Variants in SPMIP2 observed in about 807,000 individuals in gnomAD.
The protein encoded by SPMIP2 is protein SPMIP2.
chr4:158,997,476 C>T, the SPMIP2 span, among the ~76,000 whole-genome samples: 8 of 152,104 alleles, frequency 5.3e-5, no homozygotes, highest in South Asian at 6.2e-4. Flanking sequence ...GTGATCTGCC[C>T]ACCTCAAAAG....
At chr4:158,977,367 T>C in the SPMIP2 span, among the ~76,000 whole-genome samples, 1 of 152,230 alleles carries the variant, frequency 6.6e-6, no homozygotes, top group Admixed American at 6.5e-5. Context: ...CTGGATTTTC[T>C]ACTTTATTTG....
the SPMIP2 span, among the ~76,000 whole-genome samples, chr4:158,975,491 G>C: frequency 6.6e-6 from 1 of 152,104 alleles, no homozygotes; most frequent in Non-Finnish European, 1.5e-5. Flanking sequence ...TGTAAGGAAG[G>C]GGTCCAGTTT....
the SPMIP2 span, among the ~76,000 whole-genome samples, chr4:159,052,560 G>A: frequency 3.7e-4 from 57 of 152,232 alleles, no homozygotes; most frequent in Middle Eastern, 3.4e-3. Flanking sequence ...CTTCTCTTCC[G>A]TAGATGGGGT....
At chr4:159,007,446 G>C in the SPMIP2 span, 4 of 678,996 alleles carry the variant, frequency 5.9e-6, no homozygotes, top group Non-Finnish European at 1.1e-5. Flanking sequence ...GTTAAGCCAG[G>C]AGTCTGTAGT....
At chr4:158,974,350 G>A in the SPMIP2 span, among the ~76,000 whole-genome samples, 3 of 152,098 alleles carry the variant, frequency 2.0e-5, no homozygotes, top group Non-Finnish European at 2.9e-5. Flanking sequence ...GGATACATGT[G>A]CAGAACGTGC....
chr4:159,082,163 CA>C, the SPMIP2 span, among the ~76,000 whole-genome samples: 48,580 of 102,652 alleles, frequency 0.47, 9,266 homozygotes, highest in African/African-American at 0.6. Context: ...GCTAAGAATG[CA>C]AAAAAAAAAA....
At chr4:159,046,231 G>GAA in the SPMIP2 span, among the ~76,000 whole-genome samples, 24,924 of 131,196 alleles carry the variant, frequency 0.19, 2,450 homozygotes, top group African/African-American at 0.29. Flanking sequence ...CCTGTCTCAA[G>GAA]AAAAAAAAAA....
At chr4:159,028,490 C>G in the SPMIP2 span, among the ~76,000 whole-genome samples, 4 of 152,038 alleles carry the variant, frequency 2.6e-5, no homozygotes, top group Non-Finnish European at 5.9e-5. Flanking sequence ...CCACCACACT[C>G]GGCTGATTTT....
the SPMIP2 span, among the ~76,000 whole-genome samples, chr4:159,080,704 T>C: frequency 2.0e-5 from 3 of 151,046 alleles, no homozygotes; most frequent in African/African-American, 7.3e-5. Flanking sequence ...AATTGGGCTA[T>C]CATGGTAAAT....
chr4:158,987,241 A>C, the SPMIP2 span, among the ~76,000 whole-genome samples: 2 of 151,716 alleles, frequency 1.3e-5, no homozygotes, highest in Non-Finnish European at 2.9e-5. Flanking sequence ...TCAGGGATCT[A>C]GAACTAGAAA....
chr4:158,950,354 C>T, the SPMIP2 span, among the ~76,000 whole-genome samples: 2 of 152,312 alleles, frequency 1.3e-5, no homozygotes, highest in African/African-American at 2.4e-5. Flanking sequence ...TAAATTTCCT[C>T]TAAGGAAGTC....
At chr4:159,008,987 A>G in the SPMIP2 span, among the ~76,000 whole-genome samples, 1 of 152,232 alleles carries the variant, frequency 6.6e-6, no homozygotes, top group Admixed American at 6.5e-5. Flanking sequence ...AGTCTATAGC[A>G]GTGGTTTATT....
At chr4:158,983,235 C>A in the SPMIP2 span, among the ~76,000 whole-genome samples, 1 of 152,100 alleles carries the variant, frequency 6.6e-6, no homozygotes, top group African/African-American at 2.4e-5. Flanking sequence ...GGAAAACACT[C>A]TGCAGGATAT....
chr4:159,038,150 G>C, the SPMIP2 span, among the ~76,000 whole-genome samples: 4 of 152,034 alleles, frequency 2.6e-5, no homozygotes, highest in Non-Finnish European at 4.4e-5. Context: ...GACATCTTTG[G>C]GATAGATTAC....
At chr4:158,926,318 A>G in the SPMIP2 span, among the ~76,000 whole-genome samples, 4 of 151,644 alleles carry the variant, frequency 2.6e-5, no homozygotes, top group Non-Finnish European at 2.9e-5. Context: ...TATTGTAGGT[A>G]TTGATAGCTA....
chr4:158,986,941 A>T, the SPMIP2 span, among the ~76,000 whole-genome samples: 1 of 142,242 alleles, frequency 7.0e-6, no homozygotes, highest in East Asian at 2.0e-4. Flanking sequence ...ACAAGAAAAA[A>T]ACAAACAACC....
At chr4:158,982,863 G>A in the SPMIP2 span, among the ~76,000 whole-genome samples, 4 of 152,092 alleles carry the variant, frequency 2.6e-5, no homozygotes, top group Admixed American at 2.6e-4. Context: ...AAACTATTCC[G>A]AGCTACAGGA....
the SPMIP2 span, among the ~76,000 whole-genome samples, chr4:159,037,486 T>C: frequency 6.6e-6 from 1 of 151,020 alleles, no homozygotes; most frequent in African/African-American, 2.4e-5. Context: ...TTTTTAAAAA[T>C]ATAACTACAA....
At chr4:159,034,184 T>C in the SPMIP2 span, among the ~76,000 whole-genome samples, 1 of 152,188 alleles carries the variant, frequency 6.6e-6, no homozygotes. Flanking sequence ...AAGTTTAGTT[T>C]ATGCCTTATA....
Sources: allele counts gnomAD v4.1 joint callset (sites outside exome capture counted in the v4.1 genomes callset), GRCh38; gene constraint gnomAD v4.1.1; transcripts MANE v1.5; gene names NCBI Gene and HGNC (gene_info 2026-07-23, HGNC 2026-07-21).